Variants in ROBO1 observed in about 807,000 individuals in gnomAD.
The protein encoded by ROBO1 is roundabout homolog 1.
A neutral mutation model predicts 195.9 loss-of-function variants in ROBO1; 149 were observed. That is an observed-to-expected ratio of 0.76 (90% CI 0.67 to 0.87). The LOEUF (loss-of-function observed/expected upper bound fraction) is 0.87. Ranked by LOEUF, ROBO1 falls within the 40% of genes least tolerant of loss-of-function variation. The probability of loss-of-function intolerance (pLI) is 0.00; values close to 1 mark genes in which losing one functional copy is unlikely to be tolerated. For synonymous variants in ROBO1, 816 were observed against 733.2 expected, an observed-to-expected ratio of 1.11 and a Z score of -1.82; for missense variants, 1,933 against 2,068.3, an observed-to-expected ratio of 0.93 and a Z score of 1.27.
chr3:79,589,825 T>A lies in ROBO1; in HGVS notation c.87A>T (p.Pro29=). The change falls in exon 2 of 31, where the codon CCA becomes CCT. Residue 29 remains proline, a splice_region_variant and synonymous_variant. Transcript: ENST00000464233. Reference sequence around the variant, plus strand: ...ATGAAACAAATGCACAGCACTTACCTGGAATAAGCTGGGCCAGAAACAGGT... The same window carrying A: ...ATGAAACAAATGCACAGCACTTACCAGGAATAAGCTGGGCCAGAAACAGGT... ...PNHLFLAQLI[P]DPEDVERGND... The A allele has an allele frequency of 6.2e-7, 1 of 1,609,516 alleles. No homozygotes were observed. Among genetic ancestry groups the A allele is most frequent in the Non-Finnish European group, 8.5e-7 (1 of 1,176,640 alleles).
chr3:79,637,596 T>G (rs1009226345), intron 1 of ROBO1, among the ~76,000 whole-genome samples: 5 of 152,132 alleles, frequency 3.3e-5, no homozygotes, highest in Non-Finnish European at 5.9e-5. Flanking sequence ...GTATTTGAAT[T>G]TACAATTTTG....
intron 1 of ROBO1, among the ~76,000 whole-genome samples, chr3:79,648,902 A>C (rs957352405): frequency 6.6e-6 from 1 of 152,164 alleles, no homozygotes; most frequent in African/African-American, 2.4e-5. Context: ...ATTAGAAAGC[A>C]TGTGACAATG....
At chr3:79,058,354 C>A (rs898256599) in intron 3 of ROBO1, among the ~76,000 whole-genome samples, 1 of 152,002 alleles carries the variant, frequency 6.6e-6, no homozygotes, top group African/African-American at 2.4e-5. Context: ...ATAGGAGGTT[C>A]ATCTCAGTCT....
chr3:78,873,243 CA>C lies in ROBO1; in HGVS notation c.499+65357del, dbSNP rs1486979032. On this transcript the variant is annotated intron_variant, in intron 4 of 30. Coordinates refer to ENST00000464233, the MANE Select transcript of ROBO1 (RefSeq NM_002941.4). ...ACTTTTCTTTCCTCCTTTGTCTCTC[CA>C]AGGGAACTCAGGTAGTTCCGTCAGT... Among the ~76,000 whole-genome samples, 5 of 152,240 alleles carry C rather than the reference CA, an allele frequency of 3.3e-5. No individual in the cohort carries two copies. The East Asian group carries it at 9.7e-4, about 29-fold the overall frequency.
At chr3:78,914,859 C>T (rs1468534372) in intron 4 of ROBO1, among the ~76,000 whole-genome samples, 1 of 150,380 alleles carries the variant, frequency 6.6e-6, no homozygotes, top group Non-Finnish European at 1.5e-5. Context: ...GAAGAAAATA[C>T]ATTCTTAAGG....
intron 4 of ROBO1, among the ~76,000 whole-genome samples, chr3:78,919,628 T>C (rs1411100024): frequency 6.6e-6 from 1 of 152,162 alleles, no homozygotes; most frequent in Non-Finnish European, 1.5e-5. Context: ...CTGGACATGA[T>C]CTCCCTGGTC....
chr3:79,718,058 A>G (rs1004827008), intron 1 of ROBO1, among the ~76,000 whole-genome samples: 2 of 152,012 alleles, frequency 1.3e-5, no homozygotes, highest in Non-Finnish European at 2.9e-5. Flanking sequence ...GTGTCAACGG[A>G]GTTTCAGGGG....
At chr3:79,711,928 T>TGGGGGGG (rs201361807) in intron 1 of ROBO1, among the ~76,000 whole-genome samples, 1 of 14,936 alleles carries the variant, frequency 6.7e-5, no homozygotes, top group Non-Finnish European at 2.1e-4. Context: ...GATGGGCGGG[T>TGGGGGGG]GGGTGGGGGA....
chr3:78,951,994 A>T (rs113243242), intron 3 of ROBO1, among the ~76,000 whole-genome samples: 2,887 of 151,804 alleles, frequency 0.019, 104 homozygotes, highest in African/African-American at 0.065. Context: ...TTTATTCTTT[A>T]TTCATATATA....
rs146503065 is a variant in ROBO1, at chr3:79,294,956, T to C, written c.89-169417A>G. Reference sequence around the variant, plus strand: ...TAAAATGTCAGTAAACAACAGATGCTGGAGAGGATGTGGAGAAATAGGAAC... The same window carrying C: ...TAAAATGTCAGTAAACAACAGATGCCGGAGAGGATGTGGAGAAATAGGAAC... On this transcript the variant is annotated intron_variant, in intron 2 of 30. Coordinates refer to ENST00000464233, the MANE Select transcript of ROBO1 (RefSeq NM_002941.4). Among the ~76,000 whole-genome samples the C allele has an allele frequency of 2.5e-3, 385 of 152,292 alleles. 5 individuals are homozygous for C. The highest frequency in any genetic ancestry group is 8.0e-3 in the African/African-American group (333 of 41,562).
intron 2 of ROBO1, among the ~76,000 whole-genome samples, chr3:79,572,551 T>C (rs186322952): frequency 9.9e-5 from 15 of 152,202 alleles, no homozygotes; most frequent in Admixed American, 8.5e-4. Flanking sequence ...TATCTTTTTT[T>C]AAGACAAATT....
chr3:79,597,308 A>G (rs1944206374), intron 1 of ROBO1, among the ~76,000 whole-genome samples: 2 of 152,026 alleles, frequency 1.3e-5, no homozygotes, highest in African/African-American at 4.8e-5. Flanking sequence ...AAAAGGGTAT[A>G]ATACCTTCTG....
At chr3:78,786,170 T>C (rs955250226) in intron 4 of ROBO1, among the ~76,000 whole-genome samples, 1 of 152,218 alleles carries the variant, frequency 6.6e-6, no homozygotes, top group South Asian at 2.1e-4. Context: ...GCTACACTTT[T>C]ATCCTTTTGA....
intron 4 of ROBO1, among the ~76,000 whole-genome samples, chr3:78,769,617 GGTTTTT>G (rs2083317489): frequency 1.4e-5 from 1 of 72,924 alleles, no homozygotes; most frequent in Non-Finnish European, 2.8e-5. Flanking sequence ...AGTGTACTTT[GGTTTTT>G]TTTTTTTTTT....
At chr3:78,989,538 C>T (rs1189076745) in intron 3 of ROBO1, among the ~76,000 whole-genome samples, 2 of 152,160 alleles carry the variant, frequency 1.3e-5, no homozygotes, top group Non-Finnish European at 2.9e-5. Context: ...CACCTGAGCC[C>T]AGGAGGTAGA....
At chr3:79,373,150 A>G (rs138807708) in intron 2 of ROBO1, among the ~76,000 whole-genome samples, 68 of 152,360 alleles carry the variant, frequency 4.5e-4, no homozygotes, top group African/African-American at 1.5e-3. Context: ...TTTACTTAAA[A>G]TACAAGTTCT....
chr3:78,927,447 A>G (rs2039284301), intron 4 of ROBO1, among the ~76,000 whole-genome samples: 1 of 152,238 alleles, frequency 6.6e-6, no homozygotes, highest in South Asian at 2.1e-4. Context: ...TTATTCATAC[A>G]AAATGTTTTT....
intron 4 of ROBO1, among the ~76,000 whole-genome samples, chr3:78,889,533 T>C (rs2036760968): frequency 1.3e-5 from 2 of 152,152 alleles, no homozygotes; most frequent in African/African-American, 4.8e-5. Context: ...ACACATGATG[T>C]TTCTTCCTAG....
At chr3:78,662,211 A>G (rs1707461844) in intron 14 of ROBO1, 97 bp from the exon 15 acceptor site, 3 of 1,063,990 alleles carry the variant, frequency 2.8e-6, no homozygotes, top group East Asian at 5.5e-5. Context: ...AGCAACTCTC[A>G]GTAAAGAAGA....
Sources: gnomAD v4.1 joint callset for allele counts (sites outside exome capture counted in the v4.1 genomes callset) on GRCh38, gnomAD v4.1.1 for gene constraint, MANE v1.5 for transcripts, NCBI Gene and HGNC (gene_info 2026-07-23, HGNC 2026-07-21) for gene names.